Variants in ADAMTS6 observed in about 807,000 individuals in gnomAD.
ADAMTS6 encodes the protein ADAM metallopeptidase with thrombospondin type 1 motif 6.
Under a neutral mutation model 144.3 loss-of-function variants are expected in ADAMTS6, and 23 were observed. The observed-to-expected ratio is 0.16, with a 90% confidence interval of 0.11 to 0.23. The LOEUF (loss-of-function observed/expected upper bound fraction) is 0.23, where lower values mean the gene tolerates loss of function less well. Among genes scored for constraint, ADAMTS6 ranks in the 10% least tolerant of loss-of-function variants. ADAMTS6 has a pLI of 1.00. For synonymous variants in ADAMTS6, 444 were observed against 457.5 expected (o/e 0.97, Z 0.38); for missense variants, 999 against 1,379.6 (o/e 0.72, Z 4.37).
chr5:65,179,956 GCGCACACA>G (rs1183842361), intron 22 of ADAMTS6, among the ~76,000 whole-genome samples: 7 of 142,352 alleles, frequency 4.9e-5, no homozygotes, highest in Non-Finnish European at 7.5e-5. Flanking sequence ...GTGCACGCAC[GCGCACACA>G]CACACACACA....
intron 20 of ADAMTS6, among the ~76,000 whole-genome samples, chr5:65,207,452 G>A (rs546266523): frequency 2.6e-4 from 40 of 152,218 alleles, no homozygotes; most frequent in Admixed American, 2.2e-3. Flanking sequence ...AACAGAACAG[G>A]TACAAAGTTA....
intron 20 of ADAMTS6, among the ~76,000 whole-genome samples, chr5:65,203,755 A>C (rs920077753): frequency 6.6e-5 from 10 of 152,196 alleles, no homozygotes; most frequent in Middle Eastern, 3.2e-3. Context: ...CCATAATAAA[A>C]GGCTTTATTT....
intron 7 of ADAMTS6, among the ~76,000 whole-genome samples, chr5:65,376,640 G>A (rs1008660720): frequency 1.8e-4 from 27 of 152,000 alleles, no homozygotes; most frequent in African/African-American, 6.3e-4. Context: ...AGACTATCCT[G>A]AGCAATGTGA....
intron 7 of ADAMTS6, among the ~76,000 whole-genome samples, chr5:65,402,490 T>C (rs1282155289): frequency 6.6e-6 from 1 of 152,108 alleles, no homozygotes; most frequent in African/African-American, 2.4e-5. Context: ...ATACTTCTTC[T>C]CTCTCCTCAA....
At chr5:65,266,981 T>C (rs1156460364) in intron 12 of ADAMTS6, among the ~76,000 whole-genome samples, 2 of 152,012 alleles carry the variant, frequency 1.3e-5, no homozygotes, top group Non-Finnish European at 2.9e-5. Flanking sequence ...TTCTAGCTGA[T>C]TGCATTAATC....
chr5:65,226,071 TAAA>T lies in ADAMTS6; in HGVS notation c.2067+12_2067+14del, dbSNP rs1406356705. 6.3e-7 allele frequency: 1 copy of T among 1,588,846 alleles called. No homozygotes were observed. The highest frequency in any genetic ancestry group is 8.6e-7 in the Non-Finnish European group (1 of 1,165,910). ...TCTCAAAAACCCCAACAGAAAGGAG[TAAA>T]ATCTGAGCAACCTTGCATTCTCCAT... On this transcript the variant is annotated intron_variant, in intron 16 of 24. Transcript: ENST00000381055.
intron 15 of ADAMTS6, among the ~76,000 whole-genome samples, chr5:65,230,035 T>C (rs898318198): frequency 3.3e-5 from 5 of 151,960 alleles, no homozygotes; most frequent in Admixed American, 3.3e-4. Context: ...ACAAGGGAAC[T>C]CCATAGGTCT....
At chr5:65,199,897 A>T (rs1755624865) in intron 20 of ADAMTS6, among the ~76,000 whole-genome samples, 1 of 152,138 alleles carries the variant, frequency 6.6e-6, no homozygotes, top group South Asian at 2.1e-4. Context: ...CTGGGAATCA[A>T]GAGTACTTAG....
intron 12 of ADAMTS6, among the ~76,000 whole-genome samples, chr5:65,265,005 A>G (rs1352255803): frequency 2.6e-5 from 4 of 152,202 alleles, no homozygotes; most frequent in South Asian, 4.1e-4. Flanking sequence ...TTTGTTTCCT[A>G]GTAGATGGTA....
At chr5:65,241,204 A>C (rs569926879) in intron 15 of ADAMTS6, among the ~76,000 whole-genome samples, 1 of 151,914 alleles carries the variant, frequency 6.6e-6, no homozygotes, top group East Asian at 1.9e-4. Context: ...GCAAACAGTA[A>C]ACTTATCTTA....
chr5:65,465,106 A>G (rs1473033398), intron 3 of ADAMTS6, among the ~76,000 whole-genome samples: 1 of 152,206 alleles, frequency 6.6e-6, no homozygotes, highest in Non-Finnish European at 1.5e-5. Flanking sequence ...CTCACTTTAG[A>G]TTCATTAATA....
intron 15 of ADAMTS6, among the ~76,000 whole-genome samples, chr5:65,228,894 A>G (rs1032888297): frequency 6.6e-6 from 1 of 152,212 alleles, no homozygotes; most frequent in Non-Finnish European, 1.5e-5. Flanking sequence ...CCATAGGCCC[A>G]AGTAACCACT....
At chr5:65,297,346 G>A (rs1437476495) in intron 10 of ADAMTS6, 3 of 420,050 alleles carry the variant, frequency 7.1e-6, no homozygotes, top group South Asian at 5.3e-5. Flanking sequence ...TATTGGCCAT[G>A]GAATAGTTTT....
intron 9 of ADAMTS6, among the ~76,000 whole-genome samples, chr5:65,325,097 C>A (rs1424912845): frequency 6.6e-6 from 1 of 152,024 alleles, no homozygotes; most frequent in Non-Finnish European, 1.5e-5. Flanking sequence ...CAAGCCTAAT[C>A]TATAGTGGTA....
intron 9 of ADAMTS6, among the ~76,000 whole-genome samples, chr5:65,322,564 T>G (rs879209615): frequency 3.3e-5 from 3 of 90,134 alleles, no homozygotes; most frequent in African/African-American, 2.6e-4. Flanking sequence ...GTATGTAGTT[T>G]TTTTTTTTTT....
At chr5:65,394,147 A>G (rs1376559036) in intron 7 of ADAMTS6, among the ~76,000 whole-genome samples, 1 of 152,150 alleles carries the variant, frequency 6.6e-6, no homozygotes, top group Non-Finnish European at 1.5e-5. Flanking sequence ...GCAGGCTTGT[A>G]GTGTCAGAGG....
Position 65,260,610 on chromosome 5 carries a change from C to T in ADAMTS6, c.1820G>A (p.Cys607Tyr). 2 of 1,613,474 alleles carry T rather than the reference C, an allele frequency of 1.2e-6. No individual in the cohort carries two copies. The highest frequency in any genetic ancestry group is 1.7e-6 in the Non-Finnish European group (2 of 1,179,700). ...CLGERKRYRS[C>Y]NTDPCPLGSR... ...TTTGGTTTTACTTACATCTGTGTTA[C>T]AGGAGCGATACCGTTTCCTTTCCCC... The change falls in exon 14 of 25, where the codon TGT becomes TAT. Residue 607 changes from cysteine (C) to tyrosine (Y), a missense_variant. By Grantham distance (194) the Cys-to-Tyr change is radical (BLOSUM62 -2). Around this residue, in one of 3 missense-constraint regions of ADAMTS6, gnomAD observed 619 missense variants for 837.0 expected, o/e 0.74. Coordinates refer to ENST00000381055, the MANE Select transcript of ADAMTS6 (RefSeq NM_197941.4).
At chr5:65,252,090 A>G (rs1165914209) in intron 14 of ADAMTS6, among the ~76,000 whole-genome samples, 1 of 152,184 alleles carries the variant, frequency 6.6e-6, no homozygotes. Flanking sequence ...TAACCTAAGC[A>G]AAAAAGAGTC....
chr5:65,160,356 G>T, intron 24 of ADAMTS6, among the ~76,000 whole-genome samples: 1 of 151,328 alleles, frequency 6.6e-6, no homozygotes, highest in Non-Finnish European at 1.5e-5. Flanking sequence ...GCCCAGGCTG[G>T]AGTGCAGTGG....
Sources: gnomAD v4.1 joint callset for allele counts (sites outside exome capture counted in the v4.1 genomes callset) on GRCh38, gnomAD v4.1.1 for gene constraint, gnomAD v4.1.1 regional missense constraint, MANE v1.5 for transcripts, NCBI Gene and HGNC (gene_info 2026-07-23, HGNC 2026-07-21) for gene names.